Variants in PDGFC observed in about 807,000 individuals in gnomAD.
The protein encoded by PDGFC is platelet-derived growth factor C.
Under a neutral mutation model 35.5 loss-of-function variants are expected in PDGFC, and 12 were observed. That is an observed-to-expected ratio of 0.34 (90% CI 0.22 to 0.55). The LOEUF is 0.55. PDGFC is among the 20% of genes least tolerant of loss of function. The pLI is 0.91. For missense variants in PDGFC, 322 were observed against 412.4 expected (o/e 0.78, Z 1.90); for synonymous variants, 159 against 148.8 (o/e 1.07, Z -0.50).
intron 1 of PDGFC, among the ~76,000 whole-genome samples, chr4:156,943,533 C>T (rs1731864525): frequency 6.6e-6 from 1 of 152,044 alleles, no homozygotes; most frequent in Non-Finnish European, 1.5e-5. Flanking sequence ...ACTATAAGTG[C>T]ACAAAACCTC....
chr4:156,881,580 G>C (rs574125535), intron 1 of PDGFC, among the ~76,000 whole-genome samples: 77 of 152,132 alleles, frequency 5.1e-4, no homozygotes, highest in African/African-American at 1.8e-3. Context: ...TAAAAAATGG[G>C]AGTTACTTTG....
chr4:156,801,524 C>T (rs1731611683), intron 3 of PDGFC, among the ~76,000 whole-genome samples: 1 of 152,112 alleles, frequency 6.6e-6, no homozygotes, highest in African/African-American at 2.4e-5. Flanking sequence ...AAAGCGTCTC[C>T]TACTAGGGGT....
chr4:156,953,560 A>G (rs1006908819), intron 1 of PDGFC, among the ~76,000 whole-genome samples: 2 of 151,968 alleles, frequency 1.3e-5, no homozygotes, highest in African/African-American at 4.8e-5. Flanking sequence ...AGTAGAGAAA[A>G]AAAGATGTAC....
rs77173431 is a variant in PDGFC, at chr4:156,863,098, G to A, written c.119-12682C>T. 6.3e-3 allele frequency among the ~76,000 whole-genome samples: 966 copies of A among 152,148 alleles called. 41 individuals carry two copies. In the East Asian group the frequency reaches 0.13, roughly 20 times the overall value. On this transcript the variant is annotated intron_variant, in intron 1 of 5. Coordinates refer to ENST00000502773, the MANE Select transcript of PDGFC (RefSeq NM_016205.3). Reference sequence around the variant, plus strand: ...AACAAATAAAAACTAATTGTATCATGCACACTTAATTATTATGAAAACAGA... The same window carrying A: ...AACAAATAAAAACTAATTGTATCATACACACTTAATTATTATGAAAACAGA...
intron 1 of PDGFC, among the ~76,000 whole-genome samples, chr4:156,954,496 C>G (rs555039799): frequency 2.0e-5 from 3 of 151,826 alleles, no homozygotes; most frequent in African/African-American, 7.2e-5. Flanking sequence ...GGAAATAATT[C>G]AAAACAAAAA....
intron 2 of PDGFC, among the ~76,000 whole-genome samples, chr4:156,832,253 C>CTTTTTTTTTTTT (rs542396769): frequency 1.9e-4 from 23 of 121,116 alleles, no homozygotes; most frequent in South Asian, 2.6e-4. Context: ...TTCTTTCTTT[C>CTTTTTTTTTTTT]TTTTTTTTTT....
rs202066963 is a variant in PDGFC, at chr4:156,960,252, T to TTATATATATATATA, written c.118+10520_118+10533dup. On this transcript the variant is annotated intron_variant, in intron 1 of 5. Coordinates refer to ENST00000502773, the MANE Select transcript of PDGFC (RefSeq NM_016205.3). ...AAGCCATTTGATATATATATAACTG[T>TTATATATATATATA]TATATATATATATATATATATAAAA... is the stretch of plus-strand genomic sequence containing the variant. Among the ~76,000 whole-genome samples the TTATATATATATATA allele has an allele frequency of 2.1e-3, 293 of 137,084 alleles. 1 individual carries two copies. The highest frequency in any genetic ancestry group is 8.1e-3 in the African/African-American group (285 of 35,110). 89.9% of individuals were successfully genotyped at this position (137,084 alleles called of 152,430 possible).
intron 1 of PDGFC, among the ~76,000 whole-genome samples, chr4:156,969,021 A>G (rs116506727): frequency 0.016 from 2,403 of 152,272 alleles, 74 homozygotes; most frequent in African/African-American, 0.054. Context: ...CACAAGAGAG[A>G]ACTAAAAGGA....
At chr4:156,969,381 A>T (rs1361229732) in intron 1 of PDGFC, among the ~76,000 whole-genome samples, 2 of 152,222 alleles carry the variant, frequency 1.3e-5, no homozygotes, top group Admixed American at 1.3e-4. Flanking sequence ...CAGCTCAAGG[A>T]GCCTGCAGGT....
At chr4:156,838,817 G>A (rs1411702465) in intron 2 of PDGFC, among the ~76,000 whole-genome samples, 1 of 152,178 alleles carries the variant, frequency 6.6e-6, no homozygotes, top group African/African-American at 2.4e-5. Flanking sequence ...ACAGGTGGAA[G>A]GTAATTGAAT....
intron 1 of PDGFC, among the ~76,000 whole-genome samples, chr4:156,864,776 A>G (rs1303355435): frequency 2.6e-5 from 4 of 152,268 alleles, no homozygotes; most frequent in African/African-American, 7.2e-5. Context: ...AAACCTTAAC[A>G]TGATTTGCTA....
intron 3 of PDGFC, among the ~76,000 whole-genome samples, chr4:156,787,388 A>G (rs924304438): frequency 6.6e-6 from 1 of 152,202 alleles, no homozygotes; most frequent in Admixed American, 6.5e-5. Flanking sequence ...TGAATTTAGC[A>G]ATACGTCATC....
intron 3 of PDGFC, among the ~76,000 whole-genome samples, chr4:156,807,977 C>T (rs1450703433): frequency 6.6e-6 from 1 of 151,924 alleles, no homozygotes; most frequent in East Asian, 1.9e-4. Flanking sequence ...CACTAATTCC[C>T]ACTCCTCACT....
intron 2 of PDGFC, among the ~76,000 whole-genome samples, chr4:156,825,578 T>TAAGAAGAAGAAGAAGAAGAAG (rs1304163404): frequency 1.1e-5 from 1 of 95,016 alleles, no homozygotes; most frequent in South Asian, 3.5e-4. Context: ...ATAATAATAA[T>TAAGAAGAAGAAGAAGAAGAAG]AATAATAATA....
chr4:156,803,669 A>AT (rs1579019395), intron 3 of PDGFC, among the ~76,000 whole-genome samples: 1 of 152,180 alleles, frequency 6.6e-6, no homozygotes, highest in East Asian at 1.9e-4. Context: ...ATGAACTGCT[A>AT]TTTTTGTAAC....
rs6833341 is a variant in PDGFC, at chr4:156,763,741, T to G, written c.922-535A>C. Reference sequence around the variant, plus strand: ...GCTACACTTCAAGTCCTCTATAAACTTGATGAGATGGATTAGATGTACTTC... The same window carrying G: ...GCTACACTTCAAGTCCTCTATAAACGTGATGAGATGGATTAGATGTACTTC... On this transcript the variant is annotated intron_variant, in intron 5 of 5. Coordinates refer to ENST00000502773, the MANE Select transcript of PDGFC (RefSeq NM_016205.3). 2.0e-5 allele frequency among the ~76,000 whole-genome samples: 3 copies of G among 152,118 alleles called. No individual in the cohort carries two copies. In the East Asian group the frequency reaches 5.8e-4, roughly 29 times the overall value.
chr4:156,897,862 A>G (rs1390762625), intron 1 of PDGFC, among the ~76,000 whole-genome samples: 1 of 152,224 alleles, frequency 6.6e-6, no homozygotes, highest in East Asian at 1.9e-4. Context: ...TAATGATGGT[A>G]GTAGCTTTAC....
chr4:156,966,383 T>C (rs1039067650), intron 1 of PDGFC, among the ~76,000 whole-genome samples: 15 of 152,172 alleles, frequency 9.9e-5, no homozygotes, highest in African/African-American at 3.4e-4. Flanking sequence ...AGGGACTTTA[T>C]GACTTCTACC....
intron 2 of PDGFC, among the ~76,000 whole-genome samples, chr4:156,831,588 G>C (rs1728934673): frequency 6.6e-6 from 1 of 151,394 alleles, no homozygotes; most frequent in Non-Finnish European, 1.5e-5. Flanking sequence ...GGACCACAGG[G>C]ATGTGCCACC....
Sources: gnomAD v4.1 joint callset for allele counts (sites outside exome capture counted in the v4.1 genomes callset) on GRCh38, gnomAD v4.1.1 for gene constraint, MANE v1.5 for transcripts, NCBI Gene and HGNC (gene_info 2026-07-23, HGNC 2026-07-21) for gene names.